Variants in SPMIP2 observed in about 807,000 individuals in gnomAD.
SPMIP2 encodes the protein protein SPMIP2.
chr4:158,946,248 T>C, the SPMIP2 span, among the ~76,000 whole-genome samples: 1 of 152,230 alleles, frequency 6.6e-6, no homozygotes, highest in Non-Finnish European at 1.5e-5. Context: ...CAGTACAGTC[T>C]CTTGAGCTAG....
At chr4:159,065,672 A>G in the SPMIP2 span, among the ~76,000 whole-genome samples, 1 of 152,186 alleles carries the variant, frequency 6.6e-6, no homozygotes, top group Non-Finnish European at 1.5e-5. Context: ...GTTGCCATGG[A>G]AACAATGACA....
At chr4:159,065,874 T>A in the SPMIP2 span, among the ~76,000 whole-genome samples, 1 of 152,174 alleles carries the variant, frequency 6.6e-6, no homozygotes, top group Non-Finnish European at 1.5e-5. Flanking sequence ...ATTTTATAGA[T>A]AAGAAAGTTA....
At chr4:159,000,799 T>A in the SPMIP2 span, among the ~76,000 whole-genome samples, 1 of 151,550 alleles carries the variant, frequency 6.6e-6, no homozygotes, top group African/African-American at 2.4e-5. Context: ...TCTGGCTCCC[T>A]ACACTAAGCA....
At chr4:159,009,191 T>G in the SPMIP2 span, among the ~76,000 whole-genome samples, 2 of 152,224 alleles carry the variant, frequency 1.3e-5, no homozygotes, top group African/African-American at 2.4e-5. Context: ...TTTGCATGAT[T>G]ATAGCATGGC....
chr4:159,074,842 C>T, the SPMIP2 span, among the ~76,000 whole-genome samples: 4 of 152,080 alleles, frequency 2.6e-5, no homozygotes, highest in Non-Finnish European at 5.9e-5. Context: ...AGATGGGACA[C>T]TCACATTAGG....
chr4:158,984,289 A>T, the SPMIP2 span, among the ~76,000 whole-genome samples: 2 of 111,472 alleles, frequency 1.8e-5, no homozygotes, highest in African/African-American at 6.2e-5. Flanking sequence ...GACCTAATAG[A>T]CATCTACAGA....
At chr4:158,899,037 G>T in the SPMIP2 span, among the ~76,000 whole-genome samples, 2 of 152,192 alleles carry the variant, frequency 1.3e-5, no homozygotes, top group African/African-American at 4.8e-5. Context: ...AGTTTATTGA[G>T]AGTTTATAGC....
At chr4:158,964,357 C>T in the SPMIP2 span, among the ~76,000 whole-genome samples, 1 of 104,680 alleles carries the variant, frequency 9.6e-6, no homozygotes, top group Admixed American at 9.9e-5. Context: ...GCCCCAGCCT[C>T]AGATGACTTC....
chr4:158,977,625 T>TTTTTTC, the SPMIP2 span, among the ~76,000 whole-genome samples: 1 of 104,336 alleles, frequency 9.6e-6, no homozygotes, highest in African/African-American at 3.6e-5. Context: ...TTTTTTTTTT[T>TTTTTTC]TCTCTTTGAG....
At chr4:159,010,810 T>C in the SPMIP2 span, among the ~76,000 whole-genome samples, 12 of 152,088 alleles carry the variant, frequency 7.9e-5, no homozygotes, top group Non-Finnish European at 1.8e-4. Context: ...ACCTATTGCA[T>C]AATGTCTTAC....
the SPMIP2 span, among the ~76,000 whole-genome samples, chr4:158,901,128 A>ATTTTTTTTTTT: frequency 8.9e-6 from 1 of 112,300 alleles, no homozygotes; most frequent in Non-Finnish European, 1.7e-5. Flanking sequence ...CTGGGTTGAA[A>ATTTTTTTTTTT]TTTTTTTTTT....
the SPMIP2 span, among the ~76,000 whole-genome samples, chr4:158,911,084 C>G: frequency 6.6e-6 from 1 of 152,134 alleles, no homozygotes; most frequent in South Asian, 2.1e-4. Flanking sequence ...TAAGAGTTAT[C>G]CCATAAAGGC....
the SPMIP2 span, among the ~76,000 whole-genome samples, chr4:158,916,450 G>C: frequency 6.6e-6 from 1 of 152,134 alleles, no homozygotes; most frequent in Non-Finnish European, 1.5e-5. Flanking sequence ...TCCTGCTCCT[G>C]AGAATCACAG....
At chr4:159,000,706 C>T in the SPMIP2 span, among the ~76,000 whole-genome samples, 1 of 151,846 alleles carries the variant, frequency 6.6e-6, no homozygotes, top group African/African-American at 2.4e-5. Context: ...ATTGGCCAAG[C>T]TGGTCTCAAA....
At chr4:158,928,118 A>C in the SPMIP2 span, among the ~76,000 whole-genome samples, 1 of 152,306 alleles carries the variant, frequency 6.6e-6, no homozygotes, top group East Asian at 1.9e-4. Flanking sequence ...AGGCAGCTCC[A>C]CCTGCAGCAC....
At chr4:159,073,411 C>A in the SPMIP2 span, among the ~76,000 whole-genome samples, 1 of 152,154 alleles carries the variant, frequency 6.6e-6, no homozygotes, top group African/African-American at 2.4e-5. Context: ...AACTCAGCCT[C>A]CCAAAGTGCT....
the SPMIP2 span, chr4:158,895,956 C>T: frequency 2.2e-6 from 2 of 919,334 alleles, no homozygotes; most frequent in Non-Finnish European, 3.4e-6. Context: ...CACCCTAAAC[C>T]TCAGGCCCTG....
At chr4:159,035,098 GC>G in the SPMIP2 span, 3 of 1,611,632 alleles carry the variant, frequency 1.9e-6, no homozygotes, top group Admixed American at 5.0e-5. Flanking sequence ...AGATGCCATG[GC>G]TAAAGTCTTA....
the SPMIP2 span, among the ~76,000 whole-genome samples, chr4:159,012,792 C>G: frequency 3.9e-5 from 6 of 152,056 alleles, no homozygotes; most frequent in African/African-American, 1.4e-4. Context: ...AGGGTGGTCT[C>G]GAACTCCTGG....
Sources: allele counts gnomAD v4.1 joint callset (sites outside exome capture counted in the v4.1 genomes callset), GRCh38; gene constraint gnomAD v4.1.1; transcripts MANE v1.5; gene names NCBI Gene and HGNC (gene_info 2026-07-23, HGNC 2026-07-21).